Variants in SNX7 observed in about 807,000 individuals in gnomAD.
SNX7 encodes the protein sorting nexin 7.
SNX7 carries 35 observed loss-of-function variants against 48.4 expected under a neutral mutation model. The ratio of observed to expected loss-of-function variants is 0.72; its 90% CI spans 0.55 to 0.96. The LOEUF is 0.96. Ranked by LOEUF, SNX7 falls within the 40% of genes least tolerant of loss-of-function variation. The pLI is 0.00. For synonymous variants in SNX7, 190 were observed against 190.2 expected, an observed-to-expected ratio of 1.00 and a Z score of 0.01; for missense variants, 553 against 548.9, an observed-to-expected ratio of 1.01 and a Z score of -0.07.
rs908954715 is a variant in SNX7 at position 98,728,420 on chromosome 1, T to C, written c.1126-9817T>C. 2.6e-5 allele frequency among the ~76,000 whole-genome samples: 4 copies of C among 152,208 alleles called. No homozygotes were observed. The East Asian group carries it at 7.7e-4, about 29-fold the overall frequency. ...TCTATAAAATAACCAGCTAGCATCA[T>C]GATTACAGCATCAAATTCACACATA... On this transcript the variant is annotated intron_variant, in intron 7 of 8. Transcript: ENST00000306121.
chr1:98,680,008 C>T (rs963017015), intron 1 of SNX7, among the ~76,000 whole-genome samples: 1 of 152,206 alleles, frequency 6.6e-6, no homozygotes, highest in African/African-American at 2.4e-5. Flanking sequence ...CCACATTTCC[C>T]TTTTGTACTG....
chr1:98,739,609 T>C (rs1325955132), intron 8 of SNX7, among the ~76,000 whole-genome samples: 1 of 152,124 alleles, frequency 6.6e-6, no homozygotes, highest in Non-Finnish European at 1.5e-5. Context: ...AGAAAGACAT[T>C]GCAGGGTCAT....
intron 4 of SNX7, among the ~76,000 whole-genome samples, chr1:98,695,267 T>C (rs956222798): frequency 6.6e-6 from 1 of 152,126 alleles, no homozygotes; most frequent in Non-Finnish European, 1.5e-5. Flanking sequence ...CTTTTAAAGA[T>C]TTACGGTCTG....
chr1:98,704,035 C>G (rs1553201061), intron 7 of SNX7, among the ~76,000 whole-genome samples: 1 of 151,742 alleles, frequency 6.6e-6, no homozygotes, highest in Non-Finnish European at 1.5e-5. Context: ...AAAAAAATAG[C>G]CTGGGTCCAA....
rs547548003 is a variant in SNX7 at position 98,731,343 on chromosome 1, G to T, written c.1126-6894G>T. On this transcript the variant is annotated intron_variant, in intron 7 of 8. Transcript: ENST00000306121. Reference sequence around the variant, plus strand: ...GTGACTGGCCCATAGTAGACAGGAAGAATATTTATTAACTAAGTGAATGAA... The same window carrying T: ...GTGACTGGCCCATAGTAGACAGGAATAATATTTATTAACTAAGTGAATGAA... Among the ~76,000 whole-genome samples the T allele has an allele frequency of 3.9e-5, 6 of 152,090 alleles. No homozygotes were observed. In the South Asian group the frequency reaches 1.2e-3, roughly 32 times the overall value.
chr1:98,689,951 A>G (rs1020617928), intron 2 of SNX7, among the ~76,000 whole-genome samples: 1 of 152,098 alleles, frequency 6.6e-6, no homozygotes, highest in South Asian at 2.1e-4. Flanking sequence ...ACTTTTTCCC[A>G]TTATAAAGGG....
chr1:98,757,946 A>G (rs564596923), intron 8 of SNX7, among the ~76,000 whole-genome samples: 57 of 152,216 alleles, frequency 3.7e-4, no homozygotes, highest in Non-Finnish European at 2.5e-4. Context: ...AGGAAACATT[A>G]GGACACTCCA....
At chr1:98,688,817 A>T (rs1287223937) in intron 2 of SNX7, among the ~76,000 whole-genome samples, 4 of 152,226 alleles carry the variant, frequency 2.6e-5, no homozygotes, top group Admixed American at 2.6e-4. Context: ...TATGAAATAC[A>T]TGATATTTCT....
At chr1:98,662,009 G>T in intron 1 of SNX7, 98 bp downstream of exon 1, 2 of 1,187,506 alleles carry the variant, frequency 1.7e-6, no homozygotes, top group South Asian at 4.4e-5. Flanking sequence ...TTGCCCTCCC[G>T]GGGCGGTGGC....
chr1:98,731,054 G>A (rs1402269272), intron 7 of SNX7, among the ~76,000 whole-genome samples: 2 of 151,884 alleles, frequency 1.3e-5, no homozygotes, highest in East Asian at 1.9e-4. Flanking sequence ...GGGTTGATAG[G>A]TGCAGCAAAC....
At chr1:98,701,232 A>G (rs1028468625) in intron 6 of SNX7, among the ~76,000 whole-genome samples, 1 of 152,198 alleles carries the variant, frequency 6.6e-6, no homozygotes, top group African/African-American at 2.4e-5. Flanking sequence ...CTCCTATCAA[A>G]GAGGAGGCTA....
intron 6 of SNX7, 29 bp from the exon 7 acceptor site, chr1:98,701,788 C>G (rs1398772963): frequency 2.0e-6 from 3 of 1,464,746 alleles, no homozygotes; most frequent in East Asian, 4.6e-5. Context: ...TAAGTACAGC[C>G]TATTTTATCT....
rs181191871 is a variant in SNX7, at chr1:98,702,339, G to A, written c.1125+436G>A. Reference sequence around the variant, plus strand: ...TCTTTATGAAAGGGAATATCTTTGCGTTTGCAAGTTTAATCTTTCCCTTAA... The same window carrying A: ...TCTTTATGAAAGGGAATATCTTTGCATTTGCAAGTTTAATCTTTCCCTTAA... On this transcript the variant is annotated intron_variant, in intron 7 of 8. Transcript: ENST00000306121. 1.3e-3 allele frequency among the ~76,000 whole-genome samples: 194 copies of A among 151,950 alleles called. 2 individuals carry two copies. The highest frequency in any genetic ancestry group is 1.5e-3 in the Non-Finnish European group (103 of 67,950).
At chr1:98,675,166 C>T (rs780237668) in intron 1 of SNX7, among the ~76,000 whole-genome samples, 15 of 152,106 alleles carry the variant, frequency 9.9e-5, no homozygotes, top group Non-Finnish European at 1.5e-4. Context: ...ACGCATCAAC[C>T]GCAAAAGGTT....
chr1:98,691,543 A>G lies in SNX7; in HGVS notation c.483A>G (p.Pro161=). The G allele has an allele frequency of 6.3e-7, 1 of 1,575,770 alleles. No individual in the cohort carries two copies. The highest frequency in any genetic ancestry group is 8.6e-7 in the Non-Finnish European group (1 of 1,164,948). Residue 161 remains proline (P), a synonymous_variant, in exon 4 of 9, where the codon CCA becomes CCG. Coordinates refer to ENST00000306121, the MANE Select transcript of SNX7 (RefSeq NM_015976.5). ...AHPTLIIPPL[P]EKFIVKGMVE... ...AATTTTTTTTGCCTTAGCCATTGCC[A>G]GAAAAGTTTATAGTAAAAGGAATGG...
intron 8 of SNX7, among the ~76,000 whole-genome samples, chr1:98,745,417 C>T (rs761648206): frequency 1.4e-4 from 21 of 151,996 alleles, no homozygotes; most frequent in Non-Finnish European, 2.1e-4. Flanking sequence ...TTTTTACAGT[C>T]ATGCCTCCTA....
chr1:98,709,834 GT>G (rs1295864572), intron 7 of SNX7, among the ~76,000 whole-genome samples: 1 of 151,822 alleles, frequency 6.6e-6, no homozygotes, highest in African/African-American at 2.4e-5. Flanking sequence ...GCTTTACCTT[GT>G]TTTTTTCCTT....
At chr1:98,662,501 A>T in intron 1 of SNX7, 1 of 364,940 alleles carries the variant, frequency 2.7e-6, no homozygotes, top group Non-Finnish European at 5.1e-6. Context: ...ATGGTCAGCT[A>T]CTGCCACCCA....
At chr1:98,759,214 G>GAA (rs952668812) in intron 8 of SNX7, among the ~76,000 whole-genome samples, 3 of 142,108 alleles carry the variant, frequency 2.1e-5, no homozygotes. Flanking sequence ...ATCCACATTT[G>GAA]AAAAAAAAAA....
Sources: gnomAD v4.1 joint callset for allele counts (sites outside exome capture counted in the v4.1 genomes callset) on GRCh38, gnomAD v4.1.1 for gene constraint, MANE v1.5 for transcripts, NCBI Gene and HGNC (gene_info 2026-07-23, HGNC 2026-07-21) for gene names.